Variants in TRIP11 observed in about 807,000 individuals in gnomAD.
TRIP11 encodes thyroid receptor-interacting protein 11.
In TRIP11, 148 loss-of-function variants were observed where a neutral mutation model predicts 223.1. The observed-to-expected ratio is 0.66, with a 90% confidence interval of 0.58 to 0.76. The LOEUF (loss-of-function observed/expected upper bound fraction) is 0.76. Ranked by LOEUF, TRIP11 falls within the 30% of genes least tolerant of loss-of-function variation. The pLI, the probability that TRIP11 is intolerant of heterozygous loss-of-function variation, is 0.00. For missense variants in TRIP11, 2,043 were observed against 2,222.0 expected (o/e 0.92, Z 1.62); for synonymous variants, 762 against 772.6 (o/e 0.99, Z 0.23).
chr14:92,026,242 T>C (rs570323830), intron 2 of TRIP11, among the ~76,000 whole-genome samples: 82 of 152,254 alleles, frequency 5.4e-4, no homozygotes, highest in Non-Finnish European at 8.4e-4. Context: ...TAGAACTGTT[T>C]GAAAAAAGTT....
At chr14:92,010,572 T>C (rs2056959302) in intron 9 of TRIP11, among the ~76,000 whole-genome samples, 1 of 152,066 alleles carries the variant, frequency 6.6e-6, no homozygotes, top group African/African-American at 2.4e-5. Context: ...ACTGAAACTG[T>C]TGCTCTTTAT....
At chr14:91,989,792 C>A (rs1442895230) in intron 15 of TRIP11, among the ~76,000 whole-genome samples, 1 of 152,012 alleles carries the variant, frequency 6.6e-6, no homozygotes, top group Non-Finnish European at 1.5e-5. Context: ...TTTGGGTGGG[C>A]CCGACTGAAC....
At chr14:92,025,478 T>C (rs1258530860) in intron 2 of TRIP11, 58 bp from the exon 3 acceptor site, 7 of 1,232,100 alleles carry the variant, frequency 5.7e-6, no homozygotes, top group South Asian at 2.5e-5. Flanking sequence ...TAATTAGTTA[T>C]GTGCACAGCA....
rs1253212508 is a variant in TRIP11 at position 91,978,515 on chromosome 14, A to T, written c.5261-2326T>A. 1.3e-5 allele frequency among the ~76,000 whole-genome samples: 2 copies of T among 152,110 alleles called. No individual in the cohort carries two copies. Among genetic ancestry groups the T allele is most frequent in the Non-Finnish European group, 2.9e-5 (2 of 68,028 alleles). ...TTATATATAAAATATATATGTGTGT[A>T]TATATATTTGAGACAGGGTCTTGCT... On this transcript the variant is annotated intron_variant, in intron 16 of 20. Transcript: ENST00000267622. The surrounding 1 kb of genome is among the most constrained non-coding windows in gnomAD (Gnocchi z 4.4).
Position 92,007,624 on chromosome 14 carries a change from T to C in TRIP11, c.1527+16A>G. On this transcript the variant is annotated intron_variant, in intron 10 of 20. Coordinates refer to ENST00000267622, the MANE Select transcript of TRIP11 (RefSeq NM_004239.4). ...TAGTAGAATGTGCTGCCTTACTGTA[T>C]TTAATACAGTGTTACCTTTGTAGCT... 2.5e-6 allele frequency: 4 copies of C among 1,612,096 alleles called. No individual in the cohort carries two copies. The highest frequency in any genetic ancestry group is 3.4e-6 in the Non-Finnish European group (4 of 1,179,026).
intron 7 of TRIP11, among the ~76,000 whole-genome samples, chr14:92,012,288 T>A (rs1313241501): frequency 6.6e-6 from 1 of 152,088 alleles, no homozygotes; most frequent in Admixed American, 6.6e-5. Context: ...TATAGATAGA[T>A]CTATAAAAAG....
At chr14:92,036,079 G>A (rs2057322505) in intron 1 of TRIP11, among the ~76,000 whole-genome samples, 1 of 152,128 alleles carries the variant, frequency 6.6e-6, no homozygotes, top group Admixed American at 6.6e-5. Flanking sequence ...ATCTGTGGTT[G>A]GTTGTACATC....
At chr14:91,988,522 C>T (rs1360181266) in intron 15 of TRIP11, 139 bp from the exon 16 acceptor site, 3 of 688,074 alleles carry the variant, frequency 4.4e-6, no homozygotes, top group East Asian at 2.8e-5. Flanking sequence ...ATGTATCCAA[C>T]CAATAAGTAT....
In TRIP11 at chr14:92,014,368, G is replaced by T. The variant is rs777554123; in HGVS notation, c.1033C>A (p.Gln345Lys). 1.9e-6 allele frequency: 3 copies of T among 1,613,770 alleles called. No homozygotes were observed. Among genetic ancestry groups the T allele is most frequent in the Admixed American group, 1.7e-5 (1 of 59,996 alleles). Residue 345 changes from glutamine to lysine, a missense_variant, in exon 7 of 21, where the codon CAA becomes AAA. Gln to Lys is a moderately conservative substitution (Grantham distance 53, BLOSUM62 1). Coordinates refer to ENST00000267622, the MANE Select transcript of TRIP11 (RefSeq NM_004239.4). ...EQEQLNVEKR[Q>K]IMEECENLKL... ...AAGTTTTCACATTCTTCCATTATTT[G>T]TCTCTTTTCCACATTTAGCTGTTCT... is the stretch of plus-strand genomic sequence containing the variant.
intron 3 of TRIP11, 128 bp from the exon 4 acceptor site, chr14:92,021,959 A>G (rs1216131200): frequency 1.0e-5 from 10 of 980,478 alleles, no homozygotes; most frequent in Non-Finnish European, 1.2e-5. Context: ...TCCTCTATCA[A>G]CTGAATCTAA....
rs2056874204 is a variant in TRIP11, at chr14:92,004,644, T to G, written c.3332A>C (p.Glu1111Ala). Reference protein sequence around the residue: ...VFAVLNEKTRENSHLKTEYHK... With the variant: ...VFAVLNEKTRANSHLKTEYHK... Reference sequence around the variant, plus strand: ...ATATTCTGTTTTTAGATGGCTATTTTCCCTAGTCTTCTCATTCAAAACAGC... The same window carrying G: ...ATATTCTGTTTTTAGATGGCTATTTGCCCTAGTCTTCTCATTCAAAACAGC... Residue 1111 changes from glutamate (E) to alanine (A), a missense_variant, in exon 11 of 21, where the codon GAA becomes GCA. Coordinates refer to ENST00000267622, the MANE Select transcript of TRIP11 (RefSeq NM_004239.4). The G allele has an allele frequency of 6.2e-7, 1 of 1,614,048 alleles. No individual in the cohort carries two copies. The highest frequency in any genetic ancestry group is 1.3e-5 in the African/African-American group (1 of 74,942).
rs1462368571 is a variant in TRIP11, at chr14:92,037,691, C to T, written c.139+1856G>A. Among the ~76,000 whole-genome samples the T allele has an allele frequency of 6.6e-6, 1 of 152,124 alleles. No homozygotes were observed. The highest frequency in any genetic ancestry group is 1.5e-5 in the Non-Finnish European group (1 of 68,020). ...AGGAGTTCGAGATCAGCCTGGCCAA[C>T]ATGGCGAAACCCCATCTCTACTAAA... On this transcript the variant is annotated intron_variant, in intron 1 of 20. Coordinates refer to ENST00000267622, the MANE Select transcript of TRIP11 (RefSeq NM_004239.4). This position sits in a 1 kb window ranked among gnomAD's most constrained non-coding sequence, Gnocchi z 4.2.
Position 92,005,194 on chromosome 14 carries a change from G to A in TRIP11, c.2782C>T (p.Gln928Ter), listed in dbSNP as rs1257379792. ...IIEDQNQSKMQLLQSLQEQKK... is the reference protein window; with the variant it reads ...IIEDQNQSKM ...TGCTCTTGTAAAGACTGAAGTAGTTGCATCTTACTCTGGTTTTGATCTTCA... is the reference window on the plus strand; with the variant it reads ...TGCTCTTGTAAAGACTGAAGTAGTTACATCTTACTCTGGTTTTGATCTTCA... Residue 928 changes from glutamine (Q) to a stop codon, truncating the protein, a stop_gained, in exon 11 of 21, where the codon CAA becomes TAA. Coordinates refer to ENST00000267622, the MANE Select transcript of TRIP11 (RefSeq NM_004239.4). LOFTEE classifies it high-confidence loss of function. 2.5e-6 allele frequency: 4 copies of A among 1,613,866 alleles called. No individual in the cohort carries two copies. The highest frequency in any genetic ancestry group is 3.4e-6 in the Non-Finnish European group (4 of 1,180,044).
chr14:92,038,833 T>C (rs2057351529), intron 1 of TRIP11, among the ~76,000 whole-genome samples: 1 of 152,170 alleles, frequency 6.6e-6, no homozygotes, highest in Non-Finnish European at 1.5e-5. Context: ...TAGTAACTAA[T>C]GTAGCCATTG....
At chr14:92,032,605 C>T (rs59344331) in intron 2 of TRIP11, among the ~76,000 whole-genome samples, 7 of 152,014 alleles carry the variant, frequency 4.6e-5, no homozygotes, top group African/African-American at 1.2e-4. Flanking sequence ...GAGGCTAAGG[C>T]GGGTGAATCA....
At chr14:92,015,049 G>A (rs1047689292) in intron 6 of TRIP11, among the ~76,000 whole-genome samples, 12 of 151,846 alleles carry the variant, frequency 7.9e-5, no homozygotes, top group Non-Finnish European at 1.5e-4. Context: ...GACCACAGGC[G>A]AGCACCACCA....
intron 10 of TRIP11, among the ~76,000 whole-genome samples, 168 bp from the exon 11 acceptor site, chr14:92,006,616 T>G (rs1470942085): frequency 6.6e-6 from 1 of 152,240 alleles, no homozygotes; most frequent in Non-Finnish European, 1.5e-5. Context: ...TTACTTATTA[T>G]TATTTTACAG....
intron 20 of TRIP11, among the ~76,000 whole-genome samples, chr14:91,972,225 C>CTCAAGTCTCAAGTCTCA (rs1411252842): frequency 6.6e-6 from 1 of 152,198 alleles, no homozygotes; most frequent in Non-Finnish European, 1.5e-5. Context: ...AGTCTCAAGT[C>CTCAAGTCTCAAGTCTCA]AGTTTGTTAA....
chr14:92,029,438 G>A (rs1035728709), intron 2 of TRIP11, among the ~76,000 whole-genome samples: 5 of 151,810 alleles, frequency 3.3e-5, no homozygotes, highest in Non-Finnish European at 7.4e-5. Flanking sequence ...TGGGATTACA[G>A]GCACGTGCTA....
Sources: allele counts gnomAD v4.1 joint callset (sites outside exome capture counted in the v4.1 genomes callset), GRCh38; gene constraint gnomAD v4.1.1; non-coding constraint Gnocchi (gnomAD v3.1); transcripts MANE v1.5; gene names NCBI Gene and HGNC (gene_info 2026-07-23, HGNC 2026-07-21).